LINGO2: variants seen among roughly 807,000 people sequenced by gnomAD.
LINGO2 encodes leucine rich repeat and Ig domain containing 2.
LINGO2 carries 14 observed loss-of-function variants against 30.6 expected under a neutral mutation model. That is an observed-to-expected ratio of 0.46 (90% confidence interval 0.30 to 0.72). The LOEUF is 0.72. LINGO2 is among the 30% of genes least tolerant of loss of function. The pLI is 0.07. For missense variants in LINGO2, 729 were observed against 751.7 expected (o/e 0.97, Z 0.35); for synonymous variants, 317 against 288.5 (o/e 1.10, Z -1.00).
chr9:28,475,426 T>C (rs1303202595), intron 2 of LINGO2, among the ~76,000 whole-genome samples: 2 of 152,164 alleles, frequency 1.3e-5, no homozygotes, highest in African/African-American at 2.4e-5. Context: ...GCAAGTCACA[T>C]CATCTGTTAA....
At chr9:28,807,944 C>T in the LINGO2 span, among the ~76,000 whole-genome samples, 4 of 151,990 alleles carry the variant, frequency 2.6e-5, no homozygotes, top group African/African-American at 7.2e-5. Flanking sequence ...GCAAGATAAA[C>T]GCAGAGATCT....
intron 1 of LINGO2, among the ~76,000 whole-genome samples, chr9:28,570,320 T>C (rs906900760): frequency 2.6e-5 from 4 of 151,988 alleles, no homozygotes; most frequent in African/African-American, 7.2e-5. Context: ...TTAACATTTG[T>C]TTTTCTCAAA....
At chr9:28,533,191 T>C (rs1587816285) in intron 1 of LINGO2, among the ~76,000 whole-genome samples, 1 of 152,246 alleles carries the variant, frequency 6.6e-6, no homozygotes, top group East Asian at 1.9e-4. Flanking sequence ...GCTCGGGTGC[T>C]GGTTGCTTCC....
At chr9:29,113,526 A>G in the LINGO2 span, among the ~76,000 whole-genome samples, 3 of 152,176 alleles carry the variant, frequency 2.0e-5, no homozygotes, top group Admixed American at 6.5e-5. Context: ...CACAGAACAA[A>G]CAATAGCCAA....
chr9:28,688,691 G>T, the LINGO2 span, among the ~76,000 whole-genome samples: 1 of 152,060 alleles, frequency 6.6e-6, no homozygotes, highest in African/African-American at 2.4e-5. Flanking sequence ...CTAAGCGCAG[G>T]CAGGCAGATA....
rs576224290 is a variant in LINGO2, at chr9:28,009,364, A to T, written c.-36+2991T>A. 1.9e-3 allele frequency among the ~76,000 whole-genome samples: 282 copies of T among 151,920 alleles called. 2 individuals are homozygous for T. Among genetic ancestry groups the T allele is most frequent in the Middle Eastern group, 0.014 (4 of 292 alleles). On this transcript the variant is annotated intron_variant, in intron 5 of 5. Transcript: ENST00000379992. ...TCAAAAGCACAAGTGATAAAAAAAAAAAGATAAAATGGGCTCTATCAAAAT... is the reference window on the plus strand; with the variant it reads ...TCAAAAGCACAAGTGATAAAAAAAATAAGATAAAATGGGCTCTATCAAAAT...
intron 5 of LINGO2, among the ~76,000 whole-genome samples, chr9:27,982,872 T>A (rs1165969158): frequency 1.3e-5 from 2 of 151,758 alleles, no homozygotes; most frequent in East Asian, 3.9e-4. Context: ...GGGGAGTTAA[T>A]GAGAAAAATG....
At chr9:28,210,721 T>A (rs942592845) in intron 4 of LINGO2, among the ~76,000 whole-genome samples, 68 of 151,708 alleles carry the variant, frequency 4.5e-4, no homozygotes, top group African/African-American at 1.6e-3. Context: ...TAGAGTTTTA[T>A]GAATGTTGGA....
At chr9:28,632,995 C>T (rs1274025033) in intron 1 of LINGO2, among the ~76,000 whole-genome samples, 2 of 150,178 alleles carry the variant, frequency 1.3e-5, no homozygotes, top group East Asian at 3.9e-4. Flanking sequence ...ACAGCCAGCC[C>T]GAGAGCCAGC....
At chr9:28,888,849 T>C in the LINGO2 span, 1 of 532,984 alleles carries the variant, frequency 1.9e-6, no homozygotes, top group Non-Finnish European at 3.9e-6. Context: ...ATGTTGTCCA[T>C]TGCAAAGCAG....
chr9:28,937,965 G>A, the LINGO2 span, among the ~76,000 whole-genome samples: 6 of 152,018 alleles, frequency 3.9e-5, no homozygotes, highest in Non-Finnish European at 7.4e-5. Context: ...AAAGATCCCA[G>A]TGTGTGTTGT....
chr9:28,077,888 A>C (rs1334599550), intron 4 of LINGO2, among the ~76,000 whole-genome samples: 1 of 148,966 alleles, frequency 6.7e-6, no homozygotes, highest in Non-Finnish European at 1.5e-5. Flanking sequence ...TGTCTTTGTG[A>C]AAATGAACCT....
At chr9:28,603,878 T>G (rs1371051987) in intron 1 of LINGO2, among the ~76,000 whole-genome samples, 3 of 152,034 alleles carry the variant, frequency 2.0e-5, no homozygotes, top group Admixed American at 6.6e-5. Context: ...ATTGAAGTAT[T>G]GAATGTAATT....
rs3065590 is a variant in LINGO2, at chr9:28,383,254, TTGTGTG to T, written c.-278-10392_-278-10387del. Among the ~76,000 whole-genome samples the T allele has an allele frequency of 4.3e-3, 320 of 73,710 alleles. 2 individuals are homozygous for T. Among genetic ancestry groups the T allele is most frequent in the African/African-American group, 9.9e-3 (287 of 28,992 alleles). The allele number at this position is 73,710 out of a possible 152,430, so 48.4% of individuals were successfully genotyped here. ...TTGAAACACTATAGATCACCATTCA[TTGTGTG>T]TGTGTGTGTGTGTGTGTGTGTGTGT... On this transcript the variant is annotated intron_variant, in intron 2 of 5. Coordinates refer to ENST00000379992, the Ensembl canonical transcript of LINGO2.
intron 4 of LINGO2, among the ~76,000 whole-genome samples, chr9:28,021,653 T>G (rs913418192): frequency 1.3e-5 from 2 of 152,112 alleles, no homozygotes; most frequent in African/African-American, 4.8e-5. Flanking sequence ...CAGTTTTGCC[T>G]CTTATTTTGA....
At chr9:28,759,259 A>G in the LINGO2 span, among the ~76,000 whole-genome samples, 1 of 152,102 alleles carries the variant, frequency 6.6e-6, no homozygotes, top group Non-Finnish European at 1.5e-5. Flanking sequence ...GATGATGGAC[A>G]CTGTAGATGA....
At chr9:28,535,720 G>C (rs1032905818) in intron 1 of LINGO2, among the ~76,000 whole-genome samples, 3 of 141,436 alleles carry the variant, frequency 2.1e-5, no homozygotes, top group African/African-American at 8.0e-5. Context: ...ACACACACGT[G>C]TGGACGCACA....
At chr9:28,015,313 C>A (rs1822771994) in intron 4 of LINGO2, among the ~76,000 whole-genome samples, 1 of 152,072 alleles carries the variant, frequency 6.6e-6, no homozygotes, top group Non-Finnish European at 1.5e-5. Flanking sequence ...AGAAAAGGTT[C>A]CACTTCTGTA....
At chr9:28,529,681 C>A (rs911334130) in intron 1 of LINGO2, among the ~76,000 whole-genome samples, 2 of 144,838 alleles carry the variant, frequency 1.4e-5, no homozygotes, top group African/African-American at 5.2e-5. Flanking sequence ...AACACAATGT[C>A]TGCCTTTAAA....
Sources: allele counts gnomAD v4.1 joint callset (sites outside exome capture counted in the v4.1 genomes callset), GRCh38; gene constraint gnomAD v4.1.1; transcripts MANE v1.5; gene names NCBI Gene and HGNC (gene_info 2026-07-23, HGNC 2026-07-21).